The following BEX4 variants were observed in gnomAD, a reference collection of about 807,000 sequenced individuals.
The protein encoded by BEX4 is brain expressed X-linked 4.
For missense variants in BEX4, 110 were observed against 96.5 expected, an observed-to-expected ratio of 1.14 and a Z score of -0.59; for synonymous variants, 37 against 33.5, an observed-to-expected ratio of 1.11 and a Z score of -0.36.
At chrX:103,216,078 G>T (rs1924575889) in intron 2 of BEX4, 71 bp from the exon 3 acceptor site, 3 of 1,064,648 alleles carry the variant, frequency 2.8e-6, no homozygotes, top group Non-Finnish European at 1.2e-6. Flanking sequence ...AAGGTGCCTA[G>T]TAGGGCCTCT....
intron 1 of BEX4, 114 bp downstream of exon 1, chrX:103,215,352 C>G: frequency 3.7e-6 from 2 of 539,599 alleles, no homozygotes; most frequent in Non-Finnish European, 4.6e-6. Flanking sequence ...ATGCAGCCCC[C>G]GGGCCCCGCG....
At chrX:103,215,103 A>C, upstream of BEX4, 1 of 754,465 alleles carries the variant, frequency 1.3e-6, no homozygotes, top group Middle Eastern at 7.5e-4. Flanking sequence ...TGACCGGCCA[A>C]CACTGAGTGT....
In BEX4 at chrX:103,216,566, G is replaced by A. The variant is rs1352297882; in HGVS notation, c.*50G>A. 1 of 1,112,816 alleles carries A rather than the reference G, an allele frequency of 9.0e-7. No homozygotes were observed. Among genetic ancestry groups the A allele is most frequent in the African/African-American group, 1.9e-5 (1 of 53,902 alleles). 91.7% of individuals were successfully genotyped at this position (1,112,816 alleles called of 1,213,427 possible). A position where few individuals can be genotyped will look rare whatever the true frequency, so the allele number is the denominator to read the frequency against. On this transcript the variant is annotated 3_prime_UTR_variant, in exon 3 of 3. Transcript: ENST00000372695. ...AATGTGAACACTGCTTTACAAGCTT[G>A]TATTTTTGTGATTTACTTTTTCTGT...
chrX:103,215,908 C>A, intron 2 of BEX4, 144 bp downstream of exon 2: 1 of 557,193 alleles, frequency 1.8e-6, no homozygotes. Context: ...CTCCATTTTG[C>A]TGCCTGCGGA....
At position 103,215,677 on chromosome X, in the gene BEX4, G is replaced by C. The variant is rs1166522031; in HGVS notation, c.-88-5G>C. ...CAGCAGCCCCCACTTCCCCCACCCC[G>C]GCAGTCTGCAGGTCTGCGGGGCTAA... On this transcript the variant is annotated splice_polypyrimidine_tract_variant and splice_region_variant and intron_variant, in intron 1 of 2. Transcript: ENST00000372695. 25 of 883,605 alleles carry C rather than the reference G, an allele frequency of 2.8e-5. No homozygotes were observed. The highest frequency in any genetic ancestry group is 9.6e-4 in the Middle Eastern group (2 of 2,094). The allele number at this position is 883,605 out of a possible 1,213,427, so 72.8% of individuals were successfully genotyped here.
At chrX:103,216,015 G>GA (rs1450713295) in intron 2 of BEX4, 134 bp from the exon 3 acceptor site, 15 of 860,842 alleles carry the variant, frequency 1.7e-5, no homozygotes, top group Admixed American at 3.7e-5. Flanking sequence ...TTCTCAGGTG[G>GA]AAAAAAATGA....
rs1190743115 is a variant in BEX4, at chrX:103,216,137, C to G, written c.-5-12C>G. 6.2e-6 allele frequency: 7 copies of G among 1,128,746 alleles called. No homozygotes were observed. The East Asian group carries it at 9.1e-5, about 15-fold the overall frequency. 93.0% of individuals were successfully genotyped at this position (1,128,746 alleles called of 1,213,427 possible). On this transcript the variant is annotated splice_polypyrimidine_tract_variant and intron_variant, in intron 2 of 2. Coordinates refer to ENST00000372695, the MANE Select transcript of BEX4 (RefSeq NM_001080425.4). ...CAAGAATTCAGCCCATTTTCTCTCT[C>G]TTGTCTCCTAGGAGTAATGGAGTCC...
chrX:103,216,756 T>C lies in BEX4; in HGVS notation c.*240T>C, dbSNP rs1924599532. The C allele has an allele frequency of 4.1e-6, 1 of 243,125 alleles. No individual in the cohort carries two copies. Among genetic ancestry groups the C allele is most frequent in the Admixed American group, 6.8e-5 (1 of 14,696 alleles). The allele number at this position is 243,125 out of a possible 1,213,427, so 20.0% of individuals were successfully genotyped here. On this transcript the variant is annotated 3_prime_UTR_variant, in exon 3 of 3. Transcript: ENST00000372695. ...ATGCATAAAGCAGTTCAAAAAGCAG[T>C]CTGTATTCCATCATCTTCCTTTTTC...
At chrX:103,215,475 C>G (rs1459671248) in intron 1 of BEX4, among the ~76,000 whole-genome samples, 1 of 112,167 alleles carries the variant, frequency 8.9e-6, no homozygotes, top group African/African-American at 3.2e-5. Flanking sequence ...GCAAGCTTTT[C>G]CGACACCCCT....
At chrX:103,215,564 GAGGGCCAGGGCCAGGGCC>G (rs754363687) in intron 1 of BEX4, 100 bp from the exon 2 acceptor site, 5 of 521,968 alleles carry the variant, frequency 9.6e-6, no homozygotes, top group East Asian at 1.3e-4. Context: ...GGGTGGCGAG[GAGGGCCAGGGCCAGGGCC>G]AGGGCCAGGG....
rs184743673 is a variant in BEX4 at position 103,215,213 on chromosome X, G to T, written c.-114G>T. ...GGACGTGTGGGCCAGGGGCGGCCCC[G>T]AAATTAGGAAGCGGAGGGGGAGCAG... is the stretch of plus-strand genomic sequence containing the variant. On this transcript the variant is annotated 5_prime_UTR_variant, in exon 1 of 3. Transcript: ENST00000372695. 2.0e-3 allele frequency: 1,494 copies of T among 753,779 alleles called. 1 individual carries two copies. Among genetic ancestry groups the T allele is most frequent in the Non-Finnish European group, 2.2e-3 (1,404 of 639,736 alleles). 62.1% of individuals were successfully genotyped at this position (753,779 alleles called of 1,213,427 possible). A position where few individuals can be genotyped will look rare whatever the true frequency, so the allele number is the denominator to read the frequency against.
Position 103,216,467 on chromosome X carries a change from T to C in BEX4, c.314T>C (p.Phe105Ser). 1 of 1,210,985 alleles carries C rather than the reference T, an allele frequency of 8.3e-7. No individual in the cohort carries two copies. The highest frequency in any genetic ancestry group is 1.1e-6 in the Non-Finnish European group (1 of 895,204). Residue 105 changes from phenylalanine (F) to serine (S), a missense_variant, in exon 3 of 3, where the codon TTC (phenylalanine) becomes TCC (serine). Transcript: ENST00000372695. Reference sequence around the variant, plus strand: ...CAGCAGATGAGGCACTATATGCGCTTCCAAACTCCTGAACCTGACAACCAT... The same window carrying C: ...CAGCAGATGAGGCACTATATGCGCTCCCAAACTCCTGAACCTGACAACCAT... The part of the protein sequence containing the change: ...REQQMRHYMR[F>S]QTPEPDNHYD...
chrX:103,215,251 G>A lies in BEX4; in HGVS notation c.-89+13G>A. 1.3e-6 allele frequency: 1 copy of A among 754,893 alleles called. No homozygotes were observed. The highest frequency in any genetic ancestry group is 1.6e-6 in the Non-Finnish European group (1 of 639,281). The allele number at this position is 754,893 out of a possible 1,213,427, so 62.2% of individuals were successfully genotyped here. A position where few individuals can be genotyped will look rare whatever the true frequency, so the allele number is the denominator to read the frequency against. On this transcript the variant is annotated intron_variant, in intron 1 of 2. Coordinates refer to ENST00000372695, the MANE Select transcript of BEX4 (RefSeq NM_001080425.4). The stretch of plus-strand genomic sequence containing the variant: ...GGAGGGGGAGCAGGTAAGGAACCCG[G>A]CGGGGGGTCCCTGGGGTTGGTGTGA...
Position 103,216,684 on chromosome X carries a change from A to G in BEX4, c.*168A>G, listed in dbSNP as rs1044510801. 3.8e-6 allele frequency: 2 copies of G among 529,062 alleles called. No individual in the cohort carries two copies. The highest frequency in any genetic ancestry group is 5.8e-6 in the Non-Finnish European group (2 of 343,809). The allele number at this position is 529,062 out of a possible 1,213,427, so 43.6% of individuals were successfully genotyped here. A position where few individuals can be genotyped will look rare whatever the true frequency, so the allele number is the denominator to read the frequency against. On this transcript the variant is annotated 3_prime_UTR_variant, in exon 3 of 3. Coordinates refer to ENST00000372695, the MANE Select transcript of BEX4 (RefSeq NM_001080425.4). ...TCTCAGCCTAAAAGTTACGGTCAGC[A>G]TGGCAATTCACCTATTTTAGGAAAA...
Position 103,216,408 on chromosome X carries a change from G to T in BEX4, c.255G>T (p.Gly85=). The part of the protein sequence containing the change: ...EARDDVERFV[G]QMMEIKRKTR... ...GAGATGATGTAGAAAGGTTTGTAGG[G>T]CAGATGATGGAAATCAAGAGAAAGA... The change falls in exon 3 of 3, where the codon GGG becomes GGT. Residue 85 remains glycine (G), a synonymous_variant. Coordinates refer to ENST00000372695, the MANE Select transcript of BEX4 (RefSeq NM_001080425.4). 5.8e-6 allele frequency: 7 copies of T among 1,211,743 alleles called. No homozygotes were observed. Among genetic ancestry groups the T allele is most frequent in the Non-Finnish European group, 7.8e-6 (7 of 895,504 alleles).
rs1781218993 is a variant in BEX4 at position 103,216,129 on chromosome X, TTC to T, written c.-5-12_-5-11del. On this transcript the variant is annotated intron_variant, in intron 2 of 2. Coordinates refer to ENST00000372695, the MANE Select transcript of BEX4 (RefSeq NM_001080425.4). ...CAGTCCACCAAGAATTCAGCCCATTTTCTCTCTCTTGTCTCCTAGGAGTAATG... is the reference window on the plus strand; with the variant it reads ...CAGTCCACCAAGAATTCAGCCCATTTTCTCTCTTGTCTCCTAGGAGTAATG... 2 of 1,127,410 alleles carry T rather than the reference TTC, an allele frequency of 1.8e-6. No homozygotes were observed. Among genetic ancestry groups the T allele is most frequent in the Non-Finnish European group, 1.2e-6 (1 of 856,404 alleles). 92.9% of individuals were successfully genotyped at this position (1,127,410 alleles called of 1,213,427 possible).
At chrX:103,215,872 T>C in intron 2 of BEX4, 108 bp downstream of exon 2, 1 of 574,204 alleles carries the variant, frequency 1.7e-6, no homozygotes, top group Non-Finnish European at 2.3e-6. Flanking sequence ...CATGCAACCC[T>C]CCCCTTCCCA....
In BEX4 at chrX:103,217,145, GTATA is replaced by G. The variant is rs1315358923; in HGVS notation, c.*636_*639del. 2 of 122,790 alleles carry G rather than the reference GTATA, an allele frequency of 1.6e-5. No homozygotes were observed. The highest frequency in any genetic ancestry group is 3.3e-5 in the African/African-American group (1 of 30,561). The allele number at this position is 122,790 out of a possible 1,213,427, so 10.1% of individuals were successfully genotyped here. A position where few individuals can be genotyped will look rare whatever the true frequency, so the allele number is the denominator to read the frequency against. On this transcript the variant is annotated 3_prime_UTR_variant, in exon 3 of 3. Coordinates refer to ENST00000372695, the MANE Select transcript of BEX4 (RefSeq NM_001080425.4). ...TAACTATATACATATGTGTGTGTGT[GTATA>G]TATATAATGTGTCATAACCGTAAAC...
chrX:103,215,870 C>G, intron 2 of BEX4, 106 bp downstream of exon 2: 1 of 577,515 alleles, frequency 1.7e-6, no homozygotes, highest in Non-Finnish European at 2.2e-6. Context: ...CCCATGCAAC[C>G]CTCCCCTTCC....
Sources: gnomAD v4.1 joint callset for allele counts (sites outside exome capture counted in the v4.1 genomes callset) on GRCh38, gnomAD v4.1.1 for gene constraint, MANE v1.5 for transcripts, NCBI Gene and HGNC (gene_info 2026-07-23, HGNC 2026-07-21) for gene names.